Variants in USP29 observed in about 807,000 individuals in gnomAD.
USP29 encodes the protein ubiquitin specific peptidase 29.
For synonymous variants in USP29, 386 were observed against 387.4 expected (o/e 1.00, Z 0.04); for missense variants, 1,102 against 1,069.0 (o/e 1.03, Z -0.43).
chr19:57,129,290 C>T lies in USP29; in HGVS notation c.615C>T (p.Ser205=). The change falls in exon 4 of 4, where the codon AGC becomes AGT. Residue 205 remains serine, a synonymous_variant. Coordinates refer to ENST00000254181, the MANE Select transcript of USP29 (RefSeq NM_020903.3). ...CAGATTCCTTGAAATATATACAAAG[C>T]AATAGGAAGAACCCATCAAGTTTAG... is the stretch of plus-strand genomic sequence containing the variant. ...YKTDSLKYIQ[S]NRKNPSSLED... The T allele has an allele frequency of 6.2e-7, 1 of 1,613,946 alleles. No individual in the cohort carries two copies. Among genetic ancestry groups the T allele is most frequent in the Non-Finnish European group, 8.5e-7 (1 of 1,179,984 alleles).
At position 57,128,855 on chromosome 19, in the gene USP29, G is replaced by A; in HGVS notation, c.180G>A (p.Val60=). The A allele has an allele frequency of 6.2e-7, 1 of 1,613,782 alleles. No individual in the cohort carries two copies. Among genetic ancestry groups the A allele is most frequent in the Non-Finnish European group, 8.5e-7 (1 of 1,179,950 alleles). Residue 60 remains valine (V), a synonymous_variant, in exon 4 of 4, where the codon GTG becomes GTA. Transcript: ENST00000254181. ...IFQLSNNIRS[V]VLRHCKKRQS... ...AGCTGAGCAACAACATTAGAAGTGTGGTCCTTAGACATTGTAAAAAAAGAC... is the reference window on the plus strand; with the variant it reads ...AGCTGAGCAACAACATTAGAAGTGTAGTCCTTAGACATTGTAAAAAAAGAC...
intron 2 of USP29, among the ~76,000 whole-genome samples, chr19:57,122,989 C>A (rs2086805871): frequency 6.6e-6 from 1 of 152,130 alleles, no homozygotes; most frequent in African/African-American, 2.4e-5. Flanking sequence ...ACTGAGGACA[C>A]ATTAATTATA....
chr19:57,129,304 C>A lies in USP29; in HGVS notation c.629C>A (p.Pro210Gln). 1 of 1,614,112 alleles carries A rather than the reference C, an allele frequency of 6.2e-7. No homozygotes were observed. The highest frequency in any genetic ancestry group is 8.5e-7 in the Non-Finnish European group (1 of 1,180,018). The change falls in exon 4 of 4, where the codon CCA becomes CAA. Residue 210 changes from proline (P) to glutamine (Q), a missense_variant. Physicochemically the swap from Pro to Gln is moderately conservative, Grantham distance 76. Coordinates refer to ENST00000254181, the MANE Select transcript of USP29 (RefSeq NM_020903.3). ...LKYIQSNRKNPSSLEDLEKDR... is the reference protein window; with the variant it reads ...LKYIQSNRKNQSSLEDLEKDR... The stretch of plus-strand genomic sequence containing the variant: ...TATATACAAAGCAATAGGAAGAACC[C>A]ATCAAGTTTAGAGGATTTAGAAAAA...
At chr19:57,123,405 A>G (rs2086807893) in intron 2 of USP29, among the ~76,000 whole-genome samples, 1 of 152,208 alleles carries the variant, frequency 6.6e-6, no homozygotes, top group Admixed American at 6.5e-5. Flanking sequence ...CAATAGGAAT[A>G]TGATGTCAAC....
intron 3 of USP29, among the ~76,000 whole-genome samples, chr19:57,127,275 A>G (rs2086828697): frequency 6.6e-6 from 1 of 152,212 alleles, no homozygotes; most frequent in Non-Finnish European, 1.5e-5. Flanking sequence ...CCTGTCCCTT[A>G]GCAGAGCTGT....
At chr19:57,126,858 G>T (rs1191086958) in intron 3 of USP29, among the ~76,000 whole-genome samples, 1 of 152,148 alleles carries the variant, frequency 6.6e-6, no homozygotes, top group Non-Finnish European at 1.5e-5. Flanking sequence ...GGATTTTTCA[G>T]CGTTGTTGTG....
chr19:57,127,483 G>C (rs1056440050), intron 3 of USP29, among the ~76,000 whole-genome samples: 19 of 152,218 alleles, frequency 1.2e-4, no homozygotes, highest in African/African-American at 1.7e-4. Flanking sequence ...GCCCTGACCA[G>C]TGAGGAGGAA....
chr19:57,124,380 G>T, intron 3 of USP29, among the ~76,000 whole-genome samples: 4 of 139,396 alleles, frequency 2.9e-5, no homozygotes, highest in Non-Finnish European at 3.1e-5. Flanking sequence ...CCCTTTCTCT[G>T]TCTCTCTCCC....
intron 3 of USP29, among the ~76,000 whole-genome samples, chr19:57,124,659 C>A (rs551687328): frequency 5.1e-4 from 77 of 152,108 alleles, no homozygotes; most frequent in Non-Finnish European, 1.0e-3. Context: ...TAGGTGCCTG[C>A]CACCATGCCC....
rs753764708 is a variant in USP29, at chr19:57,130,989, A to G, written c.2314A>G (p.Thr772Ala). 13 of 1,614,102 alleles carry G rather than the reference A, an allele frequency of 8.1e-6. No individual in the cohort carries two copies. Among genetic ancestry groups the G allele is most frequent in the African/African-American group, 2.7e-5 (2 of 74,944 alleles). ...TACAGAAGAGACCCTCAATCAGTCT[A>G]CAGAATTAAGACTTCAAAAGGCTGA... ...EHTEETLNQS[T>A]ELRLQKADLN... Residue 772 changes from threonine (T) to alanine (A), a missense_variant, in exon 4 of 4, where the codon ACA (threonine) becomes GCA (alanine). By Grantham distance (58) the Thr-to-Ala change is moderately conservative. Transcript: ENST00000254181.
intron 3 of USP29, among the ~76,000 whole-genome samples, chr19:57,126,490 G>T (rs550934796): frequency 6.6e-6 from 1 of 151,514 alleles, no homozygotes; most frequent in Non-Finnish European, 1.5e-5. Context: ...TTGTCTTCAC[G>T]CCTTATTTCA....
chr19:57,123,490 T>C (rs1599915090), intron 2 of USP29, among the ~76,000 whole-genome samples: 1 of 152,338 alleles, frequency 6.6e-6, no homozygotes, highest in African/African-American at 2.4e-5. Flanking sequence ...CCGTTTTCAC[T>C]TATACGAAAG....
In USP29 at chr19:57,130,811, C is replaced by T; in HGVS notation, c.2136C>T (p.Thr712=). 6.2e-7 allele frequency: 1 copy of T among 1,614,148 alleles called. No homozygotes were observed. The highest frequency in any genetic ancestry group is 8.5e-7 in the Non-Finnish European group (1 of 1,180,030). The change falls in exon 4 of 4, where the codon ACC becomes ACT. Residue 712 remains threonine (T), a synonymous_variant. Transcript: ENST00000254181. ...EFNFDSVTES[T]NGFYDCKENR... ...ATTTTGACAGTGTCACTGAGTCCAC[C>T]AATGGCTTTTATGACTGTAAAGAAA...
rs754577113 is a variant in USP29 at position 57,129,309 on chromosome 19, A to G, written c.634A>G (p.Ser212Gly). 16 of 1,614,202 alleles carry G rather than the reference A, an allele frequency of 9.9e-6. No homozygotes were observed. The South Asian group carries it at 1.5e-4, about 16-fold the overall frequency. Residue 212 changes from serine (S) to glycine (G), a missense_variant, in exon 4 of 4, where the codon AGT (serine) becomes GGT (glycine). By Grantham distance (56) the Ser-to-Gly change is moderately conservative. Coordinates refer to ENST00000254181, the MANE Select transcript of USP29 (RefSeq NM_020903.3). ...YIQSNRKNPS[S>G]LEDLEKDRDL... Reference sequence around the variant, plus strand: ...ACAAAGCAATAGGAAGAACCCATCAAGTTTAGAGGATTTAGAAAAAGATAG... The same window carrying G: ...ACAAAGCAATAGGAAGAACCCATCAGGTTTAGAGGATTTAGAAAAAGATAG...
chr19:57,120,535 C>T (rs1329652863), intron 1 of USP29, among the ~76,000 whole-genome samples: 6 of 151,578 alleles, frequency 4.0e-5, no homozygotes, highest in African/African-American at 1.2e-4. Context: ...GCCTGTCATG[C>T]CAGCACTTTG....
At chr19:57,124,457 T>A (rs2146950972) in intron 3 of USP29, among the ~76,000 whole-genome samples, 1 of 87,402 alleles carries the variant, frequency 1.1e-5, no homozygotes, top group Non-Finnish European at 2.3e-5. Flanking sequence ...TACTCCCTGT[T>A]TTTTGTGGGG....
intron 3 of USP29, among the ~76,000 whole-genome samples, chr19:57,128,085 A>G (rs927641195): frequency 1.3e-5 from 2 of 151,878 alleles, no homozygotes; most frequent in Non-Finnish European, 2.9e-5. Flanking sequence ...CTCGCCCTCC[A>G]TGGGTTGCAC....
chr19:57,129,772 C>A lies in USP29; in HGVS notation c.1097C>A (p.Ser366Tyr). The A allele has an allele frequency of 6.2e-7, 1 of 1,614,126 alleles. No homozygotes were observed. Among genetic ancestry groups the A allele is most frequent in the Non-Finnish European group, 8.5e-7 (1 of 1,180,032 alleles). The change falls in exon 4 of 4, where the codon TCT becomes TAT. Residue 366 changes from serine to tyrosine, a missense_variant. Coordinates refer to ENST00000254181, the MANE Select transcript of USP29 (RefSeq NM_020903.3). ...KVISAVAEIFSGNMQNDAHEF... is the reference protein window; with the variant it reads ...KVISAVAEIFYGNMQNDAHEF... ...ATTTCAGCAGTTGCAGAAATATTTT[C>A]TGGCAACATGCAGAATGATGCTCAT...
In USP29 at chr19:57,131,877, T is replaced by C. The variant is rs2086863571; in HGVS notation, c.*433T>C. On this transcript the variant is annotated 3_prime_UTR_variant, in exon 4 of 4. Coordinates refer to ENST00000254181, the MANE Select transcript of USP29 (RefSeq NM_020903.3). Reference sequence around the variant, plus strand: ...ATGTGTGGAGTATCTTGGTGTATTTTGCTACTGTTGATATGGATTGCTTAT... The same window carrying C: ...ATGTGTGGAGTATCTTGGTGTATTTCGCTACTGTTGATATGGATTGCTTAT... 5.6e-6 allele frequency: 1 copy of C among 178,490 alleles called. No individual in the cohort carries two copies. The highest frequency in any genetic ancestry group is 2.4e-5 in the African/African-American group (1 of 41,748). The allele number at this position is 178,490 out of a possible 1,614,324, so 11.1% of individuals were successfully genotyped here.
Sources: allele counts gnomAD v4.1 joint callset (sites outside exome capture counted in the v4.1 genomes callset), GRCh38; gene constraint gnomAD v4.1.1; transcripts MANE v1.5; gene names NCBI Gene and HGNC (gene_info 2026-07-23, HGNC 2026-07-21).